The following ASTN2 variants were observed in gnomAD, a reference collection of about 807,000 sequenced individuals.
ASTN2 encodes the protein astrotactin-2.
Under a neutral mutation model 139.8 loss-of-function variants are expected in ASTN2, and 54 were observed. The ratio of observed to expected loss-of-function variants is 0.39; its 90% CI spans 0.31 to 0.48. ASTN2 has a LOEUF of 0.48. Ranked by LOEUF, ASTN2 falls within the 20% of genes least tolerant of loss-of-function variation. The pLI is 0.95. For synonymous variants in ASTN2, 756 were observed against 719.5 expected (o/e 1.05, Z -0.81); for missense variants, 1,565 against 1,725.1 (o/e 0.91, Z 1.64).
chr9:116,976,784 TC>T lies in ASTN2; in HGVS notation c.1592del (p.Gly531GlufsTer43). The T allele has an allele frequency of 6.2e-7, 1 of 1,613,760 alleles. No homozygotes were observed. The highest frequency in any genetic ancestry group is 8.5e-7 in the Non-Finnish European group (1 of 1,179,714). On this transcript the variant is annotated frameshift_variant and splice_region_variant, in exon 8 of 23. Transcript: ENST00000313400. LOFTEE classifies it high-confidence loss of function. Reference protein sequence around the residue: ...ACEQLCDPETGECSCHEGYAP... With the variant: ...ACEQLCDPETXECSCHEGYAP... Reference sequence around the variant, plus strand: ...CATAGCCTTCATGACAGCTGCACTCTCCTGTAAGTGAAAAGAAAAAAGATTA... The same window carrying T: ...CATAGCCTTCATGACAGCTGCACTCTCTGTAAGTGAAAAGAAAAAAGATTA...
At chr9:117,174,172 TTAGA>T (rs1290663765) in intron 3 of ASTN2, among the ~76,000 whole-genome samples, 1 of 150,370 alleles carries the variant, frequency 6.7e-6, no homozygotes, top group Non-Finnish European at 1.5e-5. Context: ...GATAGATAGA[TTAGA>T]TAGACACACA....
At chr9:116,539,759 C>T (rs1225992816) in intron 19 of ASTN2, among the ~76,000 whole-genome samples, 2 of 152,180 alleles carry the variant, frequency 1.3e-5, no homozygotes, top group Non-Finnish European at 2.9e-5. Context: ...TCACACTGCT[C>T]AGAATGGCGT....
rs188521512 is a variant in ASTN2, at chr9:116,715,894, T to G, written c.2806+9877A>C. Among the ~76,000 whole-genome samples, 280 of 152,294 alleles carry G rather than the reference T, an allele frequency of 1.8e-3. 1 individual carries two copies. The highest frequency in any genetic ancestry group is 3.6e-3 in the Non-Finnish European group (248 of 68,030). On this transcript the variant is annotated intron_variant, in intron 16 of 22. Coordinates refer to ENST00000313400, the MANE Select transcript of ASTN2 (RefSeq NM_001365068.1). Reference sequence around the variant, plus strand: ...GTGTGGTATCTGAAAGGACTGTCTGTGAGCAAGGCTCCTCTCAGGTTGGTA... The same window carrying G: ...GTGTGGTATCTGAAAGGACTGTCTGGGAGCAAGGCTCCTCTCAGGTTGGTA...
chr9:116,854,974 C>A (rs577147943), intron 11 of ASTN2, among the ~76,000 whole-genome samples: 7 of 151,574 alleles, frequency 4.6e-5, no homozygotes, highest in Non-Finnish European at 7.4e-5. Flanking sequence ...ATTCCCCCCC[C>A]ACCATTATTT....
At chr9:117,014,157 C>T (rs1328533898) in intron 6 of ASTN2, among the ~76,000 whole-genome samples, 1 of 152,078 alleles carries the variant, frequency 6.6e-6, no homozygotes, top group East Asian at 1.9e-4. Context: ...GAAAAACAAA[C>T]TGTGTGATGA....
chr9:117,354,313 G>C (rs1223484139), intron 1 of ASTN2, among the ~76,000 whole-genome samples: 1 of 151,280 alleles, frequency 6.6e-6, no homozygotes, highest in African/African-American at 2.4e-5. Flanking sequence ...CTCTCCTCCT[G>C]TCTCTTTTCT....
At chr9:116,574,586 T>C (rs1375942718) in intron 19 of ASTN2, among the ~76,000 whole-genome samples, 2 of 152,246 alleles carry the variant, frequency 1.3e-5, no homozygotes, top group Non-Finnish European at 1.5e-5. Flanking sequence ...AACATGTGCC[T>C]GGATTTAGTC....
At chr9:116,558,339 TC>T (rs1165510810) in intron 19 of ASTN2, among the ~76,000 whole-genome samples, 2 of 151,424 alleles carry the variant, frequency 1.3e-5, no homozygotes, top group African/African-American at 4.9e-5. Flanking sequence ...TCTCCATACC[TC>T]TGCAAGACAA....
intron 19 of ASTN2, among the ~76,000 whole-genome samples, chr9:116,527,596 T>A (rs945097411): frequency 2.0e-5 from 3 of 152,162 alleles, no homozygotes; most frequent in African/African-American, 7.2e-5. Context: ...TGAGAATTCA[T>A]CAAAAACTTA....
At chr9:116,686,638 G>T in intron 16 of ASTN2, 1 of 1,495,004 alleles carries the variant, frequency 6.7e-7, no homozygotes. Flanking sequence ...CCTCCCACCT[G>T]GTAAGATTCC....
chr9:116,799,839 C>A (rs1234953228), intron 13 of ASTN2, among the ~76,000 whole-genome samples: 1 of 152,052 alleles, frequency 6.6e-6, no homozygotes, highest in Non-Finnish European at 1.5e-5. Flanking sequence ...TGACAGTGAC[C>A]CTACATGGAT....
At chr9:117,404,671 G>A (rs1301661551) in intron 1 of ASTN2, among the ~76,000 whole-genome samples, 1 of 152,162 alleles carries the variant, frequency 6.6e-6, no homozygotes, top group African/African-American at 2.4e-5. Flanking sequence ...GGAGTGAGAA[G>A]CAAGTTCACC....
intron 19 of ASTN2, among the ~76,000 whole-genome samples, chr9:116,526,719 A>T (rs964569810): frequency 6.6e-6 from 1 of 152,084 alleles, no homozygotes; most frequent in African/African-American, 2.4e-5. Context: ...TTTTTGATTC[A>T]TCATGATTTT....
At chr9:117,039,481 C>T (rs76142496) in intron 6 of ASTN2, among the ~76,000 whole-genome samples, 5 of 151,864 alleles carry the variant, frequency 3.3e-5, no homozygotes, top group South Asian at 2.1e-4. Flanking sequence ...CTGAAGCATG[C>T]GGGGCTTAAA....
chr9:117,030,248 G>A (rs1375064686), intron 6 of ASTN2, among the ~76,000 whole-genome samples: 1 of 152,148 alleles, frequency 6.6e-6, no homozygotes, highest in African/African-American at 2.4e-5. Context: ...TAGACTTGAA[G>A]TCAATCTCAT....
intron 10 of ASTN2, among the ~76,000 whole-genome samples, chr9:116,941,595 A>G (rs928399292): frequency 1.9e-4 from 21 of 111,134 alleles, no homozygotes; most frequent in African/African-American, 2.9e-4. Flanking sequence ...TAAGCTACAG[A>G]AAAAAAAAAA....
chr9:117,279,352 C>T (rs550697498), intron 2 of ASTN2, among the ~76,000 whole-genome samples: 2 of 152,224 alleles, frequency 1.3e-5, no homozygotes, highest in Non-Finnish European at 2.9e-5. Context: ...TCTTAACCTT[C>T]TAGACCTTGG....
chr9:117,060,084 G>A (rs543379459), intron 5 of ASTN2, among the ~76,000 whole-genome samples: 1 of 152,124 alleles, frequency 6.6e-6, no homozygotes, highest in African/African-American at 2.4e-5. Flanking sequence ...GCCAAGGCGA[G>A]CAGATGGCTT....
intron 1 of ASTN2, among the ~76,000 whole-genome samples, chr9:117,306,382 T>C (rs970786693): frequency 6.6e-6 from 1 of 152,146 alleles, no homozygotes; most frequent in Admixed American, 6.5e-5. Context: ...AAGTCAGGGA[T>C]AGGGCTGGTG....
Sources: allele counts gnomAD v4.1 joint callset (sites outside exome capture counted in the v4.1 genomes callset), GRCh38; gene constraint gnomAD v4.1.1; transcripts MANE v1.5; gene names NCBI Gene and HGNC (gene_info 2026-07-23, HGNC 2026-07-21).